PDS5A: variants seen among roughly 807,000 people sequenced by gnomAD.
PDS5A encodes the protein PDS5 cohesin associated factor A, also known as sister chromatid cohesion protein PDS5 homolog A.
PDS5A carries 42 observed loss-of-function variants against 167.1 expected under a neutral mutation model. That is an observed-to-expected ratio of 0.25 (90% confidence interval 0.20 to 0.33). The LOEUF is 0.33. Among genes scored for constraint, PDS5A ranks in the 10% least tolerant of loss-of-function variants. The pLI is 1.00. For synonymous variants in PDS5A, 553 were observed against 554.6 expected (o/e 1.00, Z 0.04); for missense variants, 1,033 against 1,605.9 (o/e 0.64, Z 6.10).
At chr4:39,970,934 G>C (rs1416284489) in intron 2 of PDS5A, among the ~76,000 whole-genome samples, 1 of 149,550 alleles carries the variant, frequency 6.7e-6, no homozygotes, top group Non-Finnish European at 1.5e-5. Flanking sequence ...GAGTAGCTAC[G>C]ACCATATTTG....
chr4:39,924,793 A>G (rs560879083), intron 5 of PDS5A, among the ~76,000 whole-genome samples: 2 of 152,338 alleles, frequency 1.3e-5, no homozygotes, highest in East Asian at 1.9e-4. Flanking sequence ...AACACTTCTC[A>G]TAACAGTGCT....
Position 39,848,960 on chromosome 4 carries a change from G to A in PDS5A, c.3230C>T (p.Thr1077Ile). The A allele has an allele frequency of 6.3e-7, 1 of 1,593,862 alleles. No individual in the cohort carries two copies. The highest frequency in any genetic ancestry group is 8.6e-7 in the Non-Finnish European group (1 of 1,166,944). Residue 1077 changes from threonine to isoleucine, a missense_variant, in exon 28 of 33, where the codon ACA (threonine) becomes ATA (isoleucine). Physicochemically the swap from Thr to Ile is moderately conservative, Grantham distance 89. Around this residue, in one of 4 missense-constraint regions of PDS5A, gnomAD observed 367 missense variants for 686.7 expected, o/e 0.53. Transcript: ENST00000303538. ...AACACAGAGAGCCACATCACATACT[G>A]TATACAGTTTCTAGGGAGGAAAACG... is the stretch of plus-strand genomic sequence containing the variant. Reference protein sequence around the residue: ...DESKTNEKLYTVCDVALCVIN... With the variant: ...DESKTNEKLYIVCDVALCVIN...
chr4:39,915,940 A>T (rs2109698843), intron 8 of PDS5A, among the ~76,000 whole-genome samples: 1 of 152,314 alleles, frequency 6.6e-6, no homozygotes, highest in Middle Eastern at 3.4e-3. Context: ...GTAAAAGTCA[A>T]AATATATTCC....
intron 11 of PDS5A, among the ~76,000 whole-genome samples, chr4:39,908,057 A>C (rs1340399567): frequency 6.6e-6 from 1 of 152,234 alleles, no homozygotes; most frequent in Non-Finnish European, 1.5e-5. Context: ...GTCATATGTG[A>C]AAATGTTAAC....
intron 26 of PDS5A, among the ~76,000 whole-genome samples, chr4:39,851,590 C>A (rs997754348): frequency 2.6e-5 from 4 of 152,094 alleles, no homozygotes; most frequent in African/African-American, 4.8e-5. Context: ...TCCTGGCTAT[C>A]TAAATATTTT....
chr4:39,893,715 T>A (rs77914920), intron 16 of PDS5A, among the ~76,000 whole-genome samples: 7,831 of 152,304 alleles, frequency 0.051, 380 homozygotes, highest in Admixed American at 0.14. Flanking sequence ...TAGCAGAGGT[T>A]TGTTTTCATG....
intron 11 of PDS5A, among the ~76,000 whole-genome samples, chr4:39,908,011 C>T (rs1381661555): frequency 1.3e-5 from 2 of 152,152 alleles, no homozygotes; most frequent in Non-Finnish European, 2.9e-5. Flanking sequence ...AAGTAAAGTT[C>T]AATGAATGGC....
At chr4:39,949,583 T>C (rs1728132968) in intron 2 of PDS5A, among the ~76,000 whole-genome samples, 1 of 151,736 alleles carries the variant, frequency 6.6e-6, no homozygotes, top group Admixed American at 6.6e-5. Context: ...TCCCAGCCCT[T>C]TGGGGTTCTG....
At chr4:39,842,338 A>G (rs569978273) in intron 30 of PDS5A, among the ~76,000 whole-genome samples, 2 of 152,226 alleles carry the variant, frequency 1.3e-5, no homozygotes, top group Non-Finnish European at 2.9e-5. Flanking sequence ...TCAAGAGACA[A>G]AATAACACAA....
chr4:39,898,729 C>A, intron 15 of PDS5A, 48 bp downstream of exon 15: 1 of 1,160,352 alleles, frequency 8.6e-7, no homozygotes, highest in South Asian at 1.4e-5. Flanking sequence ...AATACTTTGT[C>A]TGCATTTACG....
chr4:39,926,899 ACTTTT>A (rs760029175), intron 3 of PDS5A, 38 bp from the exon 4 acceptor site: 1 of 1,357,980 alleles, frequency 7.4e-7, no homozygotes, highest in Admixed American at 3.5e-5. Context: ...AGACACAAAT[ACTTTT>A]CTTTCACAAC....
At chr4:39,826,736 C>T (rs746985569) in intron 32 of PDS5A, among the ~76,000 whole-genome samples, 3 of 152,000 alleles carry the variant, frequency 2.0e-5, no homozygotes, top group Non-Finnish European at 4.4e-5. Flanking sequence ...CTGCCTGCCT[C>T]GGCCTCCCAA....
intron 17 of PDS5A, among the ~76,000 whole-genome samples, chr4:39,882,081 T>C (rs1367573180): frequency 3.3e-5 from 5 of 152,200 alleles, no homozygotes; most frequent in Non-Finnish European, 7.3e-5. Flanking sequence ...TTAAAACCTC[T>C]TTCCTTTATA....
intron 2 of PDS5A, among the ~76,000 whole-genome samples, chr4:39,948,648 C>T (rs1382464606): frequency 7.4e-5 from 9 of 122,224 alleles, no homozygotes; most frequent in Non-Finnish European, 1.5e-4. Flanking sequence ...TTTTAAAGAC[C>T]GAGTCTCACT....
chr4:39,845,164 CA>C (rs1717479652), intron 29 of PDS5A, among the ~76,000 whole-genome samples: 1 of 151,872 alleles, frequency 6.6e-6, no homozygotes. Context: ...GCTGAGATCG[CA>C]ACATTGTACT....
intron 28 of PDS5A, chr4:39,847,009 G>A (rs942242015): frequency 2.0e-5 from 3 of 151,600 alleles, no homozygotes; most frequent in Non-Finnish European, 4.4e-5. Flanking sequence ...CACAAACCTA[G>A]TGTTCTAGGG....
chr4:39,972,174 G>A (rs1199343928), intron 2 of PDS5A, among the ~76,000 whole-genome samples: 1 of 152,258 alleles, frequency 6.6e-6, no homozygotes, highest in East Asian at 1.9e-4. Flanking sequence ...TTTTCAAACA[G>A]AAAATGTACA....
chr4:39,901,266 C>CTTTTTTTTTTTTTTTTTTTTTTTTTTTTT (rs772230554), intron 13 of PDS5A, among the ~76,000 whole-genome samples: 1 of 121,282 alleles, frequency 8.2e-6, no homozygotes. Context: ...TCTTTTCTTT[C>CTTTTTTTTTTTTTTTTTTTTTTTTTTTTT]TTTTTTTTTT....
chr4:39,928,345 G>C (rs1313894634), intron 2 of PDS5A, among the ~76,000 whole-genome samples, 181 bp from the exon 3 acceptor site: 1 of 151,904 alleles, frequency 6.6e-6, no homozygotes, highest in Non-Finnish European at 1.5e-5. Flanking sequence ...GCATGAAACG[G>C]CTAGTCTAAA....
Sources: allele counts gnomAD v4.1 joint callset (sites outside exome capture counted in the v4.1 genomes callset), GRCh38; gene constraint gnomAD v4.1.1; regional missense constraint gnomAD v4.1.1; transcripts MANE v1.5; gene names NCBI Gene and HGNC (gene_info 2026-07-23, HGNC 2026-07-21).